CLASP1: variants seen among roughly 807,000 people sequenced by gnomAD.
The protein encoded by CLASP1 is CLIP-associating protein 1.
In CLASP1, 38 loss-of-function variants were observed where a neutral mutation model predicts 192.3. That is an observed-to-expected ratio of 0.20 (90% CI 0.15 to 0.26). The LOEUF (loss-of-function observed/expected upper bound fraction) is 0.26, where lower values mean the gene tolerates loss of function less well. Among genes scored for constraint, CLASP1 ranks in the 10% least tolerant of loss-of-function variants. The pLI is 1.00. For synonymous variants in CLASP1, 691 were observed against 712.8 expected (o/e 0.97, Z 0.49); for missense variants, 1,433 against 1,932.5 (o/e 0.74, Z 4.85).
chr2:121,522,856 A>G (rs778026585), intron 6 of CLASP1, among the ~76,000 whole-genome samples: 41 of 152,346 alleles, frequency 2.7e-4, no homozygotes, highest in Admixed American at 5.2e-4. Context: ...AAAGCACTAT[A>G]CAGCTGAGTT....
At chr2:121,359,054 T>C (rs986074760) in intron 37 of CLASP1, among the ~76,000 whole-genome samples, 5 of 152,232 alleles carry the variant, frequency 3.3e-5, no homozygotes, top group African/African-American at 9.6e-5. Flanking sequence ...AATAAAACAT[T>C]TACTGTGAAC....
intron 34 of CLASP1, among the ~76,000 whole-genome samples, chr2:121,371,580 T>C (rs2068746342): frequency 6.6e-6 from 1 of 152,132 alleles, no homozygotes; most frequent in East Asian, 1.9e-4. Flanking sequence ...CTGTTCTTGA[T>C]AGGAGTTCTG....
intron 37 of CLASP1, among the ~76,000 whole-genome samples, chr2:121,353,139 G>T (rs183468888): frequency 6.6e-6 from 1 of 152,078 alleles, no homozygotes; most frequent in African/African-American, 2.4e-5. Context: ...AGACCAGCCC[G>T]GGCAACATGG....
intron 35 of CLASP1, 124 bp downstream of exon 36, chr2:121,367,463 TA>T: frequency 7.8e-7 from 1 of 1,287,548 alleles, no homozygotes. Context: ...AACAAATGAC[TA>T]AGCAGAAAGA....
At chr2:121,394,023 C>T (rs1333561631) in intron 30 of CLASP1, among the ~76,000 whole-genome samples, 1 of 152,082 alleles carries the variant, frequency 6.6e-6, no homozygotes, top group East Asian at 1.9e-4. Context: ...AGCCTTCTGC[C>T]AACCCCCTAA....
chr2:121,372,606 G>C (rs1010252445), intron 34 of CLASP1, among the ~76,000 whole-genome samples: 2 of 152,144 alleles, frequency 1.3e-5, no homozygotes, highest in African/African-American at 4.8e-5. Flanking sequence ...TCACTGAATT[G>C]CACTAGCATT....
chr2:121,646,755 A>G (rs2073233833), intron 1 of CLASP1, among the ~76,000 whole-genome samples: 1 of 152,152 alleles, frequency 6.6e-6, no homozygotes, highest in African/African-American at 2.4e-5. Flanking sequence ...ATCTAAATCT[A>G]GGCCAGGCGT....
At chr2:121,520,389 G>A (rs991394300) in intron 6 of CLASP1, among the ~76,000 whole-genome samples, 4 of 152,166 alleles carry the variant, frequency 2.6e-5, no homozygotes, top group Admixed American at 6.5e-5. Flanking sequence ...CACAGCCAGT[G>A]CCTTGGAGCG....
intron 37 of CLASP1, among the ~76,000 whole-genome samples, chr2:121,351,503 A>G (rs2064399191): frequency 6.6e-6 from 1 of 152,224 alleles, no homozygotes; most frequent in Admixed American, 6.5e-5. Flanking sequence ...TAGCTGTCTG[A>G]GAATATGTCC....
exon 40 of CLASP1, chr2:121,340,686 A>G: frequency 1.7e-6 from 1 of 588,826 alleles, no homozygotes; most frequent in Non-Finnish European, 3.0e-6. Flanking sequence ...TGCTTCCTTT[A>G]CATTCAATAC....
intron 31 of CLASP1, 22 bp downstream of exon 32, chr2:121,387,741 C>T (rs1385260655): frequency 6.2e-7 from 1 of 1,613,542 alleles, no homozygotes; most frequent in Admixed American, 1.7e-5. Flanking sequence ...ACATAGGCAC[C>T]AATCGTGACC....
At chr2:121,605,801 G>A (rs1301638790) in exon 2 of CLASP1, 1 of 1,614,018 alleles carries the variant, frequency 6.2e-7, no homozygotes, top group Non-Finnish European at 8.5e-7. Flanking sequence ...CTGTTTGTCT[G>A]AGAAATAGTC....
intron 2 of CLASP1, among the ~76,000 whole-genome samples, chr2:121,554,534 G>C (rs936605395): frequency 6.6e-6 from 1 of 152,162 alleles, no homozygotes; most frequent in East Asian, 1.9e-4. Context: ...GGAGGTTGAG[G>C]TGGGAGGATG....
intron 2 of CLASP1, among the ~76,000 whole-genome samples, chr2:121,531,656 T>C (rs1260985328): frequency 6.8e-6 from 1 of 147,246 alleles, no homozygotes; most frequent in Non-Finnish European, 1.5e-5. Flanking sequence ...GATCAGGAGC[T>C]CAGGAGATAG....
At chr2:121,523,517 G>A (rs893825967) in intron 6 of CLASP1, among the ~76,000 whole-genome samples, 3 of 152,148 alleles carry the variant, frequency 2.0e-5, no homozygotes, top group Non-Finnish European at 4.4e-5. Context: ...GAAAACTTCA[G>A]AGAAAAGGAA....
At chr2:121,543,687 G>T (rs2095276452) in intron 2 of CLASP1, among the ~76,000 whole-genome samples, 1 of 151,890 alleles carries the variant, frequency 6.6e-6, no homozygotes, top group Non-Finnish European at 1.5e-5. Context: ...CCCTCCAAAA[G>T]GTCTCCAGCC....
At chr2:121,377,553 G>A (rs2070544420) in exon 34 of CLASP1, 2 of 1,600,912 alleles carry the variant, frequency 1.2e-6, no homozygotes, top group African/African-American at 1.3e-5. Flanking sequence ...GATCTTCTTG[G>A]CTTCGAAAAC....
intron 8 of CLASP1, among the ~76,000 whole-genome samples, chr2:121,488,059 G>A (rs1251923558): frequency 7.2e-5 from 11 of 151,862 alleles, no homozygotes; most frequent in Non-Finnish European, 1.5e-4. Flanking sequence ...CTGGCCCTGC[G>A]AGATACACTG....
At chr2:121,455,071 G>A (rs777027849) in intron 14 of CLASP1, among the ~76,000 whole-genome samples, 3 of 152,110 alleles carry the variant, frequency 2.0e-5, no homozygotes, top group Non-Finnish European at 2.9e-5. Flanking sequence ...CTCATCTCTA[G>A]GGGAAGCTAA....
Sources: gnomAD v4.1 joint callset for allele counts (sites outside exome capture counted in the v4.1 genomes callset) on GRCh38, gnomAD v4.1.1 for gene constraint, MANE v1.5 for transcripts, NCBI Gene and HGNC (gene_info 2026-07-23, HGNC 2026-07-21) for gene names.